The following MED15 variants were observed in gnomAD, a reference collection of about 807,000 sequenced individuals.
MED15 encodes the protein mediator complex subunit 15, also known as mediator of RNA polymerase II transcription subunit 15.
A neutral mutation model predicts 118.7 loss-of-function variants in MED15; 41 were observed. The observed-to-expected ratio is 0.35, with a 90% CI of 0.27 to 0.45. MED15 has a LOEUF of 0.45. Among genes scored for constraint, MED15 ranks in the 20% least tolerant of loss-of-function variants. The pLI is 1.00. For synonymous variants in MED15, 436 were observed against 413.9 expected (o/e 1.05, Z -0.65); for missense variants, 740 against 1,025.5 (o/e 0.72, Z 3.80).
chr22:20,516,174 A>G (rs767837130), intron 1 of MED15, among the ~76,000 whole-genome samples: 42 of 151,466 alleles, frequency 2.8e-4, no homozygotes, highest in Non-Finnish European at 5.6e-4. Context: ...TTAGCTGGGC[A>G]TGGTGGTACA....
At chr22:20,561,906 A>C (rs1217088736) in intron 5 of MED15, among the ~76,000 whole-genome samples, 2 of 152,198 alleles carry the variant, frequency 1.3e-5, no homozygotes, top group African/African-American at 4.8e-5. Context: ...TAAGAGGATC[A>C]CTTGAGCCCA....
chr22:20,548,870 G>A (rs1405049940), intron 2 of MED15, among the ~76,000 whole-genome samples: 1 of 152,166 alleles, frequency 6.6e-6, no homozygotes, highest in Non-Finnish European at 1.5e-5. Context: ...GCAGTGGAGT[G>A]GTCACAGCTC....
chr22:20,582,526 G>A, intron 9 of MED15, 85 bp from the exon 10 acceptor site: 1 of 1,527,554 alleles, frequency 6.5e-7, no homozygotes, highest in Non-Finnish European at 8.8e-7. Context: ...GCGGGAGGAT[G>A]GGCCTATGCG....
intron 2 of MED15, among the ~76,000 whole-genome samples, chr22:20,543,151 G>A (rs1276959567): frequency 1.2e-5 from 1 of 82,084 alleles, no homozygotes; most frequent in South Asian, 3.5e-4. Flanking sequence ...GTGTGTGTGT[G>A]TATTTTTAAA....
At chr22:20,534,460 G>C (rs2054980939) in intron 1 of MED15, among the ~76,000 whole-genome samples, 1 of 152,202 alleles carries the variant, frequency 6.6e-6, no homozygotes, top group Admixed American at 6.5e-5. Context: ...GGAGTTTGAA[G>C]CTGCAGTGAG....
intron 13 of MED15, 28 bp from the exon 14 acceptor site, chr22:20,584,331 T>C: frequency 6.2e-7 from 1 of 1,611,886 alleles, no homozygotes; most frequent in Admixed American, 1.7e-5. Context: ...TCTTCCACTC[T>C]TTCAGCCCAA....
At chr22:20,512,957 G>A (rs879802818) in intron 1 of MED15, among the ~76,000 whole-genome samples, 2 of 151,848 alleles carry the variant, frequency 1.3e-5, no homozygotes, top group Non-Finnish European at 2.9e-5. Flanking sequence ...GGTCAGGCTG[G>A]TCTCGAACTC....
rs1258317698 is a variant in MED15, at chr22:20,564,451, C to T, written c.453C>T (p.Thr151=). 50 of 1,613,614 alleles carry T rather than the reference C, an allele frequency of 3.1e-5. No individual in the cohort carries two copies. The highest frequency in any genetic ancestry group is 4.2e-5 in the Non-Finnish European group (49 of 1,179,976). Reference sequence around the variant, plus strand: ...CTGGCGACTCTGGTCTTTTCTCAGCCCAGCTGCAGCTCCAGCAGGTGGCGC... The same window carrying T: ...CTGGCGACTCTGGTCTTTTCTCAGCTCAGCTGCAGCTCCAGCAGGTGGCGC... ...MAVVSTATPQ[T]QLQLQQVALQ... The change falls in exon 6 of 18, where the codon ACC becomes ACT. Residue 151 remains threonine, a splice_region_variant and synonymous_variant. Transcript: ENST00000263205.
Position 20,586,863 on chromosome 22 carries a change from C to A in MED15, c.*159C>A, listed in dbSNP as rs906013858. On this transcript the variant is annotated 3_prime_UTR_variant, in exon 18 of 18. Transcript: ENST00000263205. ...GGACCTGCCAAACGAAATCCCACACCTGTACAGAACTGGGATAGGCGCAGT... is the reference window on the plus strand; with the variant it reads ...GGACCTGCCAAACGAAATCCCACACATGTACAGAACTGGGATAGGCGCAGT... 6.3e-5 allele frequency: 72 copies of A among 1,141,476 alleles called. No homozygotes were observed. Among genetic ancestry groups the A allele is most frequent in the Non-Finnish European group, 8.0e-5 (66 of 825,884 alleles). 70.7% of individuals were successfully genotyped at this position (1,141,476 alleles called of 1,614,324 possible). A position where few individuals can be genotyped will look rare whatever the true frequency, so the allele number is the denominator to read the frequency against.
chr22:20,582,401 G>A, intron 9 of MED15: 1 of 742,978 alleles, frequency 1.3e-6, no homozygotes, highest in Non-Finnish European at 2.1e-6. Context: ...GCCCTGCCTG[G>A]GCCCCCCCCG....
chr22:20,510,530 C>T (rs1029018886), intron 1 of MED15, among the ~76,000 whole-genome samples: 1 of 152,168 alleles, frequency 6.6e-6, no homozygotes, highest in Non-Finnish European at 1.5e-5. Context: ...TTACTGAATG[C>T]CTTGGGGTGG....
At chr22:20,534,845 C>T (rs1404806362) in intron 1 of MED15, among the ~76,000 whole-genome samples, 2 of 152,218 alleles carry the variant, frequency 1.3e-5, no homozygotes. Context: ...ACTCTCTCAT[C>T]TTTTGTGGCC....
chr22:20,533,620 C>T (rs1467272976), intron 1 of MED15, among the ~76,000 whole-genome samples: 1 of 152,174 alleles, frequency 6.6e-6, no homozygotes, highest in African/African-American at 2.4e-5. Context: ...CACTCTGACC[C>T]TCCGAAGCTC....
intron 9 of MED15, among the ~76,000 whole-genome samples, chr22:20,577,594 A>T (rs1372330660): frequency 2.0e-5 from 3 of 152,042 alleles, no homozygotes; most frequent in African/African-American, 7.2e-5. Context: ...ATATATGATG[A>T]AGCTGAAAAA....
At chr22:20,512,587 C>CTT (rs1001694854) in intron 1 of MED15, among the ~76,000 whole-genome samples, 1,001 of 91,418 alleles carry the variant, frequency 0.011, 7 homozygotes, top group Non-Finnish European at 0.014. Context: ...TGAGTCACCT[C>CTT]TTTTTTTTTT....
chr22:20,586,883 C>T lies in MED15; in HGVS notation c.*179C>T, dbSNP rs1035908702. On this transcript the variant is annotated 3_prime_UTR_variant, in exon 18 of 18. Coordinates refer to ENST00000263205, the MANE Select transcript of MED15 (RefSeq NM_001003891.3). ...CACACCTGTACAGAACTGGGATAGG[C>T]GCAGTGGAGCGGGTTGCTTGGGGGG... 1.5e-5 allele frequency: 15 copies of T among 974,084 alleles called. No homozygotes were observed. Among genetic ancestry groups the T allele is most frequent in the South Asian group, 5.5e-5 (3 of 54,106 alleles). 60.3% of individuals were successfully genotyped at this position (974,084 alleles called of 1,614,324 possible). A position where few individuals can be genotyped will look rare whatever the true frequency, so the allele number is the denominator to read the frequency against.
At position 20,566,738 on chromosome 22, in the gene MED15, A is replaced by G. The variant is rs140150900; in HGVS notation, c.962A>G (p.Gln321Arg). 22 of 1,614,216 alleles carry G rather than the reference A, an allele frequency of 1.4e-5. No individual in the cohort carries two copies. In the East Asian group the frequency reaches 4.7e-4, roughly 34 times the overall value. The change falls in exon 7 of 18, where the codon CAG becomes CGG. Residue 321 changes from glutamine to arginine, a missense_variant. Coordinates refer to ENST00000263205, the MANE Select transcript of MED15 (RefSeq NM_001003891.3). ...AACCAACCATCACAACTCCCGCCAC[A>G]GTCGCAGACCCAGCCTTTGGTGTCA... ...AQNQPSQLPP[Q>R]SQTQPLVSQA...
chr22:20,543,781 C>A (rs1364082140), intron 2 of MED15, among the ~76,000 whole-genome samples: 2 of 152,092 alleles, frequency 1.3e-5, no homozygotes, highest in Non-Finnish European at 2.9e-5. Flanking sequence ...TGGTCTTGAA[C>A]TCCTGACCTC....
At chr22:20,511,886 C>A (rs1159464500) in intron 1 of MED15, among the ~76,000 whole-genome samples, 1 of 151,598 alleles carries the variant, frequency 6.6e-6, no homozygotes, top group East Asian at 1.9e-4. Context: ...TCCAGATGTC[C>A]CACCCTCCCA....
Sources: allele counts gnomAD v4.1 joint callset (sites outside exome capture counted in the v4.1 genomes callset), GRCh38; gene constraint gnomAD v4.1.1; transcripts MANE v1.5; gene names NCBI Gene and HGNC (gene_info 2026-07-23, HGNC 2026-07-21).